Variants in RPH3A observed in about 807,000 individuals in gnomAD.
The protein encoded by RPH3A is rabphilin-3A.
In RPH3A, 48 loss-of-function variants were observed where a neutral mutation model predicts 102.2. The ratio of observed to expected loss-of-function variants is 0.47; its 90% CI spans 0.37 to 0.60. The LOEUF is 0.60. Ranked by LOEUF, RPH3A falls within the 20% of genes least tolerant of loss-of-function variation. RPH3A has a pLI of 0.00. For synonymous variants in RPH3A, 310 were observed against 324.3 expected, an observed-to-expected ratio of 0.96 and a Z score of 0.47; for missense variants, 781 against 910.1, an observed-to-expected ratio of 0.86 and a Z score of 1.83.
chr12:112,608,104 C>T (rs1407646255), intron 1 of RPH3A, among the ~76,000 whole-genome samples: 1 of 151,764 alleles, frequency 6.6e-6, no homozygotes, highest in African/African-American at 2.4e-5. Context: ...TTCCCTCCTC[C>T]TCCTCTTTCT....
chr12:112,660,776 C>T (rs555191017), intron 1 of RPH3A, among the ~76,000 whole-genome samples: 1 of 152,224 alleles, frequency 6.6e-6, no homozygotes, highest in South Asian at 2.1e-4. Context: ...AGCAACACGC[C>T]CACAGCTAGT....
chr12:112,861,618 A>G (rs372338166), intron 5 of RPH3A, among the ~76,000 whole-genome samples: 5 of 152,332 alleles, frequency 3.3e-5, no homozygotes, highest in African/African-American at 1.2e-4. Flanking sequence ...TTAGCTGTGT[A>G]ACTGGCATAA....
At chr12:112,792,637 T>C (rs573787778) in intron 2 of RPH3A, among the ~76,000 whole-genome samples, 3 of 152,336 alleles carry the variant, frequency 2.0e-5, no homozygotes, top group Non-Finnish European at 4.4e-5. Flanking sequence ...CTCTGGGTAC[T>C]CTGACTTAGC....
chr12:112,805,302 G>A (rs536842624), intron 2 of RPH3A, among the ~76,000 whole-genome samples: 24 of 151,596 alleles, frequency 1.6e-4, no homozygotes, highest in Middle Eastern at 6.8e-3. Context: ...CATTTAGTGT[G>A]TGTACGAATC....
At chr12:112,661,491 G>T (rs1175201828) in intron 1 of RPH3A, among the ~76,000 whole-genome samples, 11 of 152,208 alleles carry the variant, frequency 7.2e-5, no homozygotes, top group Non-Finnish European at 1.5e-4. Flanking sequence ...ATAGAAAGTG[G>T]TTGGTAAATG....
At chr12:112,616,596 A>T (rs369494609) in intron 1 of RPH3A, among the ~76,000 whole-genome samples, 17 of 152,190 alleles carry the variant, frequency 1.1e-4, no homozygotes, top group African/African-American at 3.6e-4. Flanking sequence ...CAGTGGGAGG[A>T]TTAAAAAATA....
intron 2 of RPH3A, among the ~76,000 whole-genome samples, chr12:112,795,840 A>C (rs1329934871): frequency 6.6e-6 from 1 of 152,184 alleles, no homozygotes; most frequent in Non-Finnish European, 1.5e-5. Flanking sequence ...ATCACTTTAT[A>C]CTGAGTCTGG....
chr12:112,630,072 A>G (rs1247935738), intron 1 of RPH3A, among the ~76,000 whole-genome samples: 1 of 152,004 alleles, frequency 6.6e-6, no homozygotes, highest in East Asian at 1.9e-4. Context: ...TTGCCTTCAT[A>G]GGGTAATAGA....
intron 1 of RPH3A, among the ~76,000 whole-genome samples, chr12:112,779,386 A>G (rs1472786051): frequency 6.6e-6 from 1 of 152,178 alleles, no homozygotes; most frequent in African/African-American, 2.4e-5. Context: ...GCCCATGGGA[A>G]GCATGGCCTC....
chr12:112,767,421 A>G (rs554033296), intron 1 of RPH3A, among the ~76,000 whole-genome samples: 88 of 152,272 alleles, frequency 5.8e-4, no homozygotes, highest in South Asian at 6.2e-4. Context: ...AAGCAAGTGG[A>G]TGCTGGCGTG....
chr12:112,699,237 A>G (rs796367163), intron 1 of RPH3A, among the ~76,000 whole-genome samples: 64 of 152,316 alleles, frequency 4.2e-4, no homozygotes, highest in African/African-American at 1.4e-3. Flanking sequence ...GTTTCTTTTA[A>G]GGTAAAAAGT....
intron 1 of RPH3A, among the ~76,000 whole-genome samples, chr12:112,637,058 T>G (rs1566237562): frequency 6.6e-6 from 1 of 152,088 alleles, no homozygotes; most frequent in Non-Finnish European, 1.5e-5. Context: ...CCATCCTGTA[T>G]CTCCTCAACT....
intron 1 of RPH3A, among the ~76,000 whole-genome samples, chr12:112,604,026 T>C (rs953471081): frequency 6.6e-6 from 1 of 152,216 alleles, no homozygotes; most frequent in East Asian, 1.9e-4. Context: ...AACCCCAAGG[T>C]AGGCAAAGTT....
intron 1 of RPH3A, among the ~76,000 whole-genome samples, chr12:112,763,919 C>T (rs2040871195): frequency 6.6e-6 from 1 of 152,098 alleles, no homozygotes. Flanking sequence ...GGCTGTGTTC[C>T]CTCAGGTCCA....
chr12:112,896,125 T>C (rs1310442118), intron 21 of RPH3A, among the ~76,000 whole-genome samples: 1 of 152,264 alleles, frequency 6.6e-6, no homozygotes, highest in African/African-American at 2.4e-5. Flanking sequence ...AGGAGAGATT[T>C]GCGTTCTCTG....
intron 2 of RPH3A, among the ~76,000 whole-genome samples, chr12:112,809,668 A>G (rs2041534850): frequency 6.6e-6 from 1 of 152,150 alleles, no homozygotes; most frequent in Non-Finnish European, 1.5e-5. Context: ...AATTATAACC[A>G]GCATTTTCCA....
At chr12:112,764,543 C>A (rs2040875564) in intron 1 of RPH3A, among the ~76,000 whole-genome samples, 1 of 152,292 alleles carries the variant, frequency 6.6e-6, no homozygotes, top group African/African-American at 2.4e-5. Flanking sequence ...CAAAAGACAG[C>A]TTTGCAGGTC....
chr12:112,710,468 A>T (rs148623497), intron 1 of RPH3A, among the ~76,000 whole-genome samples: 3 of 152,160 alleles, frequency 2.0e-5, no homozygotes, highest in Non-Finnish European at 4.4e-5. Context: ...TGTACCCTGT[A>T]AAGTCCCCAG....
In RPH3A at chr12:112,898,249, T is replaced by C. The variant is rs925437920; in HGVS notation, c.*1469T>C. The C allele has an allele frequency of 2.0e-5, 3 of 152,236 alleles. No homozygotes were observed. The highest frequency in any genetic ancestry group is 7.2e-5 in the African/African-American group (3 of 41,474). The allele number at this position is 152,236 out of a possible 1,614,324, so 9.4% of individuals were successfully genotyped here. A position where few individuals can be genotyped will look rare whatever the true frequency, so the allele number is the denominator to read the frequency against. On this transcript the variant is annotated 3_prime_UTR_variant, in exon 22 of 22. Coordinates refer to ENST00000389385, the MANE Select transcript of RPH3A (RefSeq NM_001143854.2). ...TTTTATAAAGGAGGAAAAGGCAATG[T>C]GGGCAAACATTACAAATTTGAGGTT...
Sources: allele counts gnomAD v4.1 joint callset (sites outside exome capture counted in the v4.1 genomes callset), GRCh38; gene constraint gnomAD v4.1.1; transcripts MANE v1.5; gene names NCBI Gene and HGNC (gene_info 2026-07-23, HGNC 2026-07-21).